Variants in CDC42BPB observed in about 807,000 individuals in gnomAD.
CDC42BPB encodes the protein serine/threonine-protein kinase MRCK beta.
A neutral mutation model predicts 214.9 loss-of-function variants in CDC42BPB; 37 were observed. The observed-to-expected ratio is 0.17, with a 90% CI of 0.13 to 0.23. The LOEUF (loss-of-function observed/expected upper bound fraction) is 0.23. Ranked by LOEUF, CDC42BPB falls within the 10% of genes least tolerant of loss-of-function variation. The probability of loss-of-function intolerance (pLI) is 1.00; values close to 1 mark genes in which losing one functional copy is unlikely to be tolerated. For missense variants in CDC42BPB, 1,694 were observed against 2,227.0 expected, an observed-to-expected ratio of 0.76 and a Z score of 4.82; for synonymous variants, 931 against 884.0, an observed-to-expected ratio of 1.05 and a Z score of -0.94.
intron 1 of CDC42BPB, among the ~76,000 whole-genome samples, chr14:103,014,500 C>T (rs1297481283): frequency 1.3e-5 from 2 of 152,156 alleles, no homozygotes; most frequent in Non-Finnish European, 2.9e-5. Context: ...TGTCCTATTT[C>T]TTACCACTGC....
At chr14:103,008,279 T>A (rs1885960995) in intron 3 of CDC42BPB, among the ~76,000 whole-genome samples, 193 bp downstream of exon 3, 1 of 152,176 alleles carries the variant, frequency 6.6e-6, no homozygotes, top group Admixed American at 6.5e-5. Context: ...AGCAAGCAAG[T>A]GGTCGCTGAG....
At chr14:103,049,323 C>A (rs1888477427) in intron 1 of CDC42BPB, among the ~76,000 whole-genome samples, 1 of 152,244 alleles carries the variant, frequency 6.6e-6, no homozygotes, top group Admixed American at 6.5e-5. Context: ...GCCACCGTCT[C>A]AGATGGTGGC....
intron 4 of CDC42BPB, among the ~76,000 whole-genome samples, chr14:103,003,393 C>G (rs1895081183): frequency 6.6e-6 from 1 of 152,230 alleles, no homozygotes; most frequent in African/African-American, 2.4e-5. Flanking sequence ...GCATGTGCGT[C>G]ACGAGGCTGG....
chr14:102,995,666 C>A (rs762692322), intron 5 of CDC42BPB, among the ~76,000 whole-genome samples: 21 of 152,362 alleles, frequency 1.4e-4, no homozygotes, highest in Non-Finnish European at 2.9e-4. Context: ...GTGAAACCTG[C>A]AGACCCCCGC....
At chr14:103,021,463 CA>C (rs772645513) in intron 1 of CDC42BPB, among the ~76,000 whole-genome samples, 63 of 138,716 alleles carry the variant, frequency 4.5e-4, no homozygotes, top group African/African-American at 5.0e-4. Flanking sequence ...GAGACTGTCT[CA>C]AAAAAAAAAA....
At chr14:102,969,008 C>T (rs968529733) in intron 14 of CDC42BPB, 1 of 540,530 alleles carries the variant, frequency 1.9e-6, no homozygotes, top group Admixed American at 6.3e-5. Context: ...TGACTCTGTG[C>T]TGGGCCCCCT....
At chr14:103,032,906 C>A (rs968675038) in intron 1 of CDC42BPB, among the ~76,000 whole-genome samples, 2 of 149,416 alleles carry the variant, frequency 1.3e-5, no homozygotes, top group African/African-American at 4.9e-5. Context: ...CATAATCCAC[C>A]GTGCCCGGCC....
chr14:103,041,841 C>A, intron 1 of CDC42BPB: 1 of 406,268 alleles, frequency 2.5e-6, no homozygotes, highest in African/African-American at 2.1e-5. Context: ...ACCTCACCCT[C>A]TACCCCAGGA....
chr14:103,029,571 G>T (rs1292538379), intron 1 of CDC42BPB, among the ~76,000 whole-genome samples: 1 of 149,162 alleles, frequency 6.7e-6, no homozygotes, highest in African/African-American at 2.5e-5. Context: ...AGAAATGCTA[G>T]ATTGGCCAGG....
At chr14:103,025,285 C>A (rs1029559427) in intron 1 of CDC42BPB, among the ~76,000 whole-genome samples, 8 of 152,074 alleles carry the variant, frequency 5.3e-5, no homozygotes, top group Non-Finnish European at 8.8e-5. Flanking sequence ...CCACCAATTG[C>A]ACTTGGATCG....
chr14:103,016,601 G>C (rs1428369435), intron 1 of CDC42BPB, among the ~76,000 whole-genome samples: 1 of 151,318 alleles, frequency 6.6e-6, no homozygotes, highest in East Asian at 2.0e-4. Flanking sequence ...ACCTACAGGA[G>C]GACTGATCAG....
At chr14:102,942,942 C>T (rs577408442) in intron 30 of CDC42BPB, among the ~76,000 whole-genome samples, 11 of 152,326 alleles carry the variant, frequency 7.2e-5, no homozygotes, top group Admixed American at 7.2e-4. Flanking sequence ...GATCTCAGCT[C>T]ACTGCAACCT....
intron 1 of CDC42BPB, among the ~76,000 whole-genome samples, chr14:103,021,101 C>T (rs1886745848): frequency 6.6e-6 from 1 of 152,122 alleles, no homozygotes; most frequent in African/African-American, 2.4e-5. Context: ...GTAAAAAGAA[C>T]AACCATTAAA....
In CDC42BPB at chr14:102,963,325, A is replaced by T. The variant is rs1893042451; in HGVS notation, c.2727-170T>A. ...ACTGCAAACACCATGAACAGTACGA[A>T]TATTTCAAATATAAACATTCAAACA... On this transcript the variant is annotated intron_variant, in intron 19 of 36. Transcript: ENST00000361246. 3.1e-6 allele frequency: 3 copies of T among 974,510 alleles called. No individual in the cohort carries two copies. In the Admixed American group the frequency reaches 1.8e-4, roughly 60 times the overall value. The allele number at this position is 974,510 out of a possible 1,614,324, so 60.4% of individuals were successfully genotyped here. A position where few individuals can be genotyped will look rare whatever the true frequency, so the allele number is the denominator to read the frequency against.
At chr14:102,981,165 A>G in intron 7 of CDC42BPB, 144 bp from the exon 8 acceptor site, 1 of 1,449,124 alleles carries the variant, frequency 6.9e-7, no homozygotes, top group Non-Finnish European at 9.0e-7. Flanking sequence ...AAAGCTAATA[A>G]ATTTCCATTC....
At chr14:103,016,489 A>G (rs1886470187) in intron 1 of CDC42BPB, among the ~76,000 whole-genome samples, 1 of 146,918 alleles carries the variant, frequency 6.8e-6, no homozygotes, top group Admixed American at 6.7e-5. Context: ...GAGGGGAGGG[A>G]ACCAGGTGAG....
chr14:102,982,634 T>C (rs28731078), intron 7 of CDC42BPB, among the ~76,000 whole-genome samples: 2 of 152,040 alleles, frequency 1.3e-5, no homozygotes, highest in Non-Finnish European at 2.9e-5. Context: ...AGCCAGGTGT[T>C]GTGGCAGGCA....
chr14:103,020,261 C>T (rs1054609050), intron 1 of CDC42BPB, among the ~76,000 whole-genome samples: 3 of 152,198 alleles, frequency 2.0e-5, no homozygotes, highest in African/African-American at 7.2e-5. Context: ...TGAACAGGGC[C>T]CCAATGGCCA....
At chr14:102,936,301 T>C (rs777499877) in intron 36 of CDC42BPB, among the ~76,000 whole-genome samples, 8 of 152,188 alleles carry the variant, frequency 5.3e-5, no homozygotes, top group Non-Finnish European at 1.0e-4. Flanking sequence ...CACACACGTG[T>C]TCACAGCAGC....
Sources: allele counts gnomAD v4.1 joint callset (sites outside exome capture counted in the v4.1 genomes callset), GRCh38; gene constraint gnomAD v4.1.1; transcripts MANE v1.5; gene names NCBI Gene and HGNC (gene_info 2026-07-23, HGNC 2026-07-21).